The following ACACA variants were observed in gnomAD, a reference collection of about 807,000 sequenced individuals.
ACACA encodes the protein acetyl-CoA carboxylase 1.
ACACA carries 103 observed loss-of-function variants against 296.1 expected under a neutral mutation model. The observed-to-expected ratio is 0.35, with a 90% confidence interval of 0.30 to 0.41. The LOEUF (loss-of-function observed/expected upper bound fraction) is 0.41. Ranked by LOEUF, ACACA falls within the 10% of genes least tolerant of loss-of-function variation. The pLI, the probability that ACACA is intolerant of heterozygous loss-of-function variation, is 1.00. For synonymous variants in ACACA, 953 were observed against 1,038.6 expected, an observed-to-expected ratio of 0.92 and a Z score of 1.58; for missense variants, 1,554 against 2,989.7, an observed-to-expected ratio of 0.52 and a Z score of 11.20.
chr17:37,255,294 T>C (rs999354992), intron 14 of ACACA, among the ~76,000 whole-genome samples: 2 of 152,056 alleles, frequency 1.3e-5, no homozygotes, highest in Non-Finnish European at 2.9e-5. Flanking sequence ...GAAATTATAC[T>C]GGAATATACT....
chr17:37,274,342 T>C, intron 8 of ACACA, 43 bp from the exon 9 acceptor site: 2 of 1,512,314 alleles, frequency 1.3e-6, no homozygotes, highest in African/African-American at 1.4e-5. Context: ...CAAGATCTTC[T>C]GCTCTTGTCA....
At chr17:37,219,587 A>T (rs1187567584) in intron 29 of ACACA, among the ~76,000 whole-genome samples, 2 of 152,026 alleles carry the variant, frequency 1.3e-5, no homozygotes, top group Non-Finnish European at 2.9e-5. Flanking sequence ...ATTCAATTGC[A>T]GTACACCAGC....
intron 45 of ACACA, among the ~76,000 whole-genome samples, chr17:37,142,232 G>A (rs988449651): frequency 2.0e-5 from 3 of 152,130 alleles, no homozygotes; most frequent in African/African-American, 7.2e-5. Context: ...CTTAGAGTCA[G>A]AGACAACTTC....
At chr17:37,094,579 C>T (rs372844917) in intron 54 of ACACA, among the ~76,000 whole-genome samples, 3 of 147,030 alleles carry the variant, frequency 2.0e-5, no homozygotes, top group Non-Finnish European at 4.6e-5. Flanking sequence ...ACCACCCCCC[C>T]CCCCCCACAC....
intron 18 of ACACA, 150 bp from the exon 19 acceptor site, chr17:37,247,126 T>C: frequency 1.2e-6 from 1 of 860,414 alleles, no homozygotes; most frequent in East Asian, 2.6e-5. Flanking sequence ...GTTTACAATG[T>C]CAATTAACAT....
chr17:37,386,163 A>C, intron 1 of ACACA: 1 of 1,315,876 alleles, frequency 7.6e-7, no homozygotes, highest in South Asian at 1.3e-5. Context: ...AGTACAGAAT[A>C]AGTAGGAGTA....
At chr17:37,093,771 T>A (rs1043974618) in intron 54 of ACACA, among the ~76,000 whole-genome samples, 1 of 152,198 alleles carries the variant, frequency 6.6e-6, no homozygotes, top group Non-Finnish European at 1.5e-5. Flanking sequence ...GCACTGGGAT[T>A]ACAGGCGTGA....
intron 1 of ACACA, among the ~76,000 whole-genome samples, chr17:37,343,699 G>T (rs919664605): frequency 2.0e-5 from 3 of 151,530 alleles, no homozygotes; most frequent in Non-Finnish European, 4.4e-5. Flanking sequence ...AGAAGGCAGA[G>T]GTTGCAGTGA....
chr17:37,236,586 C>T (rs2145872242), intron 24 of ACACA, among the ~76,000 whole-genome samples: 1 of 152,050 alleles, frequency 6.6e-6, no homozygotes, highest in East Asian at 1.9e-4. Flanking sequence ...GCACTTTGGG[C>T]AGCCAAGGCG....
At chr17:37,111,087 C>T (rs1339403214) in intron 52 of ACACA, among the ~76,000 whole-genome samples, 1 of 152,158 alleles carries the variant, frequency 6.6e-6, no homozygotes, top group African/African-American at 2.4e-5. Flanking sequence ...ACTTCTATTT[C>T]TCTAGCTCAG....
At chr17:37,248,529 C>A in intron 17 of ACACA, 64 bp downstream of exon 17, 1 of 1,250,084 alleles carries the variant, frequency 8.0e-7, no homozygotes, top group East Asian at 2.3e-5. Context: ...TTTTCTCCTG[C>A]CTCTCAACCT....
intron 41 of ACACA, among the ~76,000 whole-genome samples, chr17:37,165,763 C>T (rs2076642785): frequency 6.6e-6 from 1 of 150,852 alleles, no homozygotes. Flanking sequence ...CAACCTTCAA[C>T]TCCTGGGCTC....
At chr17:37,227,606 C>A (rs556250642) in intron 25 of ACACA, among the ~76,000 whole-genome samples, 4 of 152,224 alleles carry the variant, frequency 2.6e-5, no homozygotes, top group African/African-American at 7.2e-5. Flanking sequence ...CTGTGGCTCA[C>A]GCCTGTAATC....
At chr17:37,103,122 T>G (rs1199154004) in intron 52 of ACACA, among the ~76,000 whole-genome samples, 5 of 152,218 alleles carry the variant, frequency 3.3e-5, no homozygotes, top group African/African-American at 9.6e-5. Flanking sequence ...GCCAGTTATA[T>G]CATGTGTTGC....
At chr17:37,247,900 T>G (rs1365614347) in intron 18 of ACACA, 111 bp downstream of exon 18, 1 of 1,340,946 alleles carries the variant, frequency 7.5e-7, no homozygotes. Flanking sequence ...TTTTTTTTTT[T>G]TAACTACAAA....
chr17:37,316,054 A>AGTATCTTTTTT (rs2047070241), intron 3 of ACACA, among the ~76,000 whole-genome samples: 2 of 152,220 alleles, frequency 1.3e-5, no homozygotes, highest in South Asian at 4.1e-4. Context: ...CCGGTCAAGA[A>AGTATCTTTTTT]ATCCCAAGGG....
chr17:37,106,403 G>A (rs1159864731), intron 52 of ACACA, among the ~76,000 whole-genome samples: 1 of 151,994 alleles, frequency 6.6e-6, no homozygotes, highest in African/African-American at 2.4e-5. Flanking sequence ...TTCAAAGGGG[G>A]CCATACCTAT....
At position 37,103,956 on chromosome 17, in the gene ACACA, A is replaced by G. The variant is rs568802478; in HGVS notation, c.6566-5972T>C. ...ATACTCTGGTGGCTGAGGCAGGAGGATCGCTGGAGCCCAGGAGTTCAAGCT... is the reference window on the plus strand; with the variant it reads ...ATACTCTGGTGGCTGAGGCAGGAGGGTCGCTGGAGCCCAGGAGTTCAAGCT... On this transcript the variant is annotated intron_variant, in intron 52 of 55. Transcript: ENST00000616317. 2.6e-5 allele frequency among the ~76,000 whole-genome samples: 4 copies of G among 152,262 alleles called. No homozygotes were observed. The South Asian group carries it at 8.3e-4, about 32-fold the overall frequency.
chr17:37,325,579 C>CTTTTTTTTTTTTTTTT (rs1156553256), intron 3 of ACACA, among the ~76,000 whole-genome samples: 34 of 67,924 alleles, frequency 5.0e-4, no homozygotes, highest in African/African-American at 6.9e-4. Flanking sequence ...TCTTTTCTTT[C>CTTTTTTTTTTTTTTTT]TTTTTTTTTT....
Sources: allele counts gnomAD v4.1 joint callset (sites outside exome capture counted in the v4.1 genomes callset), GRCh38; gene constraint gnomAD v4.1.1; transcripts MANE v1.5; gene names NCBI Gene and HGNC (gene_info 2026-07-23, HGNC 2026-07-21).